Variants in PRKN observed in about 807,000 individuals in gnomAD.
The protein encoded by PRKN is parkin RBR E3 ubiquitin protein ligase, also known as E3 ubiquitin-protein ligase parkin.
Under a neutral mutation model 59.5 loss-of-function variants are expected in PRKN, and 56 were observed. The observed-to-expected ratio is 0.94, with a 90% confidence interval of 0.76 to 1.18. The LOEUF is 1.18. Ranked by LOEUF, PRKN falls within the 50% of genes most tolerant of loss-of-function variation. PRKN has a pLI of 0.00. For missense variants in PRKN, 657 were observed against 596.4 expected (o/e 1.10, Z -1.06); for synonymous variants, 250 against 222.1 (o/e 1.13, Z -1.12).
chr6:161,963,179 A>G (rs1331520133), intron 6 of PRKN, among the ~76,000 whole-genome samples: 1 of 152,080 alleles, frequency 6.6e-6, no homozygotes, highest in Non-Finnish European at 1.5e-5. Context: ...CAAACAAACA[A>G]AAAACACCCA....
chr6:162,164,007 T>C (rs1204328422), intron 4 of PRKN, among the ~76,000 whole-genome samples: 1 of 149,020 alleles, frequency 6.7e-6, no homozygotes, highest in Non-Finnish European at 1.5e-5. Context: ...GCGGAGATGA[T>C]TTATGTGAAA....
At chr6:161,679,745 T>C (rs1582993247) in intron 7 of PRKN, among the ~76,000 whole-genome samples, 1 of 82,914 alleles carries the variant, frequency 1.2e-5, no homozygotes, top group South Asian at 6.1e-4. Flanking sequence ...AGCCAGCTTT[T>C]TTTTTTTTTT....
chr6:161,650,397 G>A (rs925460055), intron 7 of PRKN, among the ~76,000 whole-genome samples: 3 of 152,102 alleles, frequency 2.0e-5, no homozygotes, highest in African/African-American at 4.8e-5. Flanking sequence ...GTCTTAGCAT[G>A]GTATTTCCTT....
chr6:162,483,820 T>C (rs1792414400), intron 1 of PRKN, among the ~76,000 whole-genome samples: 1 of 152,184 alleles, frequency 6.6e-6, no homozygotes, highest in Non-Finnish European at 1.5e-5. Context: ...GATGTGTCTA[T>C]AAAACTACTA....
At chr6:161,757,833 A>ATCTCTCTCCCTCTCTC (rs1554301288) in intron 7 of PRKN, among the ~76,000 whole-genome samples, 42 of 37,618 alleles carry the variant, frequency 1.1e-3, no homozygotes, top group Admixed American at 2.3e-3. Flanking sequence ...GCAAAACTCC[A>ATCTCTCTCCCTCTCTC]TCTCTCTCTC....
At chr6:162,290,332 G>T (rs1781371808) in intron 2 of PRKN, among the ~76,000 whole-genome samples, 1 of 152,158 alleles carries the variant, frequency 6.6e-6, no homozygotes, top group Admixed American at 6.5e-5. Flanking sequence ...AAACAGACGA[G>T]CAAGTCATTT....
intron 7 of PRKN, among the ~76,000 whole-genome samples, chr6:161,598,669 T>C (rs1782002398): frequency 6.6e-6 from 1 of 152,240 alleles, no homozygotes; most frequent in Non-Finnish European, 1.5e-5. Flanking sequence ...GGAATGTGTT[T>C]TTCTTCCTTC....
At chr6:162,657,886 T>C (rs1450268240) in intron 1 of PRKN, among the ~76,000 whole-genome samples, 1 of 152,124 alleles carries the variant, frequency 6.6e-6, no homozygotes, top group East Asian at 1.9e-4. Context: ...TGGAGGCTTG[T>C]TTCTGCAACT....
At chr6:161,577,639 G>T (rs77402626) in intron 7 of PRKN, among the ~76,000 whole-genome samples, 1,593 of 152,278 alleles carry the variant, frequency 0.01, 12 homozygotes, top group Non-Finnish European at 0.016. Context: ...TGTAGATGAG[G>T]CAGTTACCAG....
intron 6 of PRKN, among the ~76,000 whole-genome samples, chr6:161,941,041 G>A (rs373572290): frequency 1.3e-5 from 2 of 152,306 alleles, no homozygotes; most frequent in South Asian, 4.2e-4. Context: ...TGGCATGGTC[G>A]CTTTAACCAA....
chr6:161,974,338 G>A lies in PRKN; in HGVS notation c.619-921C>T, dbSNP rs116014831. 1.9e-3 allele frequency among the ~76,000 whole-genome samples: 291 copies of A among 152,216 alleles called. 2 individuals are homozygous for A. The South Asian group carries it at 0.021, about 11-fold the overall frequency. On this transcript the variant is annotated intron_variant, in intron 5 of 11. Transcript: ENST00000366898. Reference sequence around the variant, plus strand: ...GGCATCAACACCCCAGCATTCCTGCGAAGACTCTGCCGCCCACCCTCTGTG... The same window carrying A: ...GGCATCAACACCCCAGCATTCCTGCAAAGACTCTGCCGCCCACCCTCTGTG...
chr6:162,142,384 A>C (rs1206571399), intron 4 of PRKN, among the ~76,000 whole-genome samples: 2 of 152,156 alleles, frequency 1.3e-5, no homozygotes, highest in African/African-American at 4.8e-5. Flanking sequence ...GCTTTGGTCA[A>C]GTAAGTTAAA....
At chr6:161,747,366 T>C (rs1160429274) in intron 7 of PRKN, among the ~76,000 whole-genome samples, 3 of 151,642 alleles carry the variant, frequency 2.0e-5, no homozygotes, top group Admixed American at 2.0e-4. Flanking sequence ...TGAATTCACA[T>C]AAACCAAGGT....
At chr6:161,517,442 C>T (rs1778650475) in intron 9 of PRKN, among the ~76,000 whole-genome samples, 1 of 151,974 alleles carries the variant, frequency 6.6e-6, no homozygotes, top group Admixed American at 6.6e-5. Flanking sequence ...AAGATGAAAT[C>T]AAGAGTTGAG....
Position 161,578,800 on chromosome 6 carries a change from A to G in PRKN, c.872-9384T>C, listed in dbSNP as rs988293129. Among the ~76,000 whole-genome samples, 1 of 152,232 alleles carries G rather than the reference A, an allele frequency of 6.6e-6. No homozygotes were observed. Among genetic ancestry groups the G allele is most frequent in the Non-Finnish European group, 1.5e-5 (1 of 68,038 alleles). ...CATGCAGTAACAAAAGATGAAAAAC[A>G]CTTCTCATTTTTCTTATTTGTATGT... On this transcript the variant is annotated intron_variant, in intron 7 of 11. Coordinates refer to ENST00000366898, the MANE Select transcript of PRKN (RefSeq NM_004562.3). This position sits in a 1 kb window ranked among gnomAD's most constrained non-coding sequence, Gnocchi z 4.2.
chr6:161,958,506 AAATAAT>A (rs924639182), intron 6 of PRKN, among the ~76,000 whole-genome samples: 1 of 152,128 alleles, frequency 6.6e-6, no homozygotes, highest in African/African-American at 2.4e-5. Flanking sequence ...TATTTGTAAA[AAATAAT>A]AATAATAATT....
At chr6:161,719,126 C>T (rs967068053) in intron 7 of PRKN, among the ~76,000 whole-genome samples, 4 of 152,102 alleles carry the variant, frequency 2.6e-5, no homozygotes, top group Non-Finnish European at 2.9e-5. Flanking sequence ...GGAAAAAAAT[C>T]ACCCCTCATC....
intron 2 of PRKN, among the ~76,000 whole-genome samples, chr6:162,365,220 GTGTATA>G (rs1785370875): frequency 6.6e-6 from 1 of 151,902 alleles, no homozygotes; most frequent in South Asian, 2.1e-4. Context: ...CTTTATCTGT[GTGTATA>G]TGTATATTTT....
At chr6:162,337,638 T>C (rs1347642503) in intron 2 of PRKN, among the ~76,000 whole-genome samples, 1 of 152,212 alleles carries the variant, frequency 6.6e-6, no homozygotes, top group Non-Finnish European at 1.5e-5. Context: ...TCAGTCTCGC[T>C]GGCAGCTGCA....
Sources: allele counts gnomAD v4.1 joint callset (sites outside exome capture counted in the v4.1 genomes callset), GRCh38; gene constraint gnomAD v4.1.1; non-coding constraint Gnocchi (gnomAD v3.1); transcripts MANE v1.5; gene names NCBI Gene and HGNC (gene_info 2026-07-23, HGNC 2026-07-21).